Variants in MACROD2 observed in about 807,000 individuals in gnomAD.
MACROD2 encodes ADP-ribose glycohydrolase MACROD2.
In MACROD2, 36 loss-of-function variants were observed where a neutral mutation model predicts 70.4. The observed-to-expected ratio is 0.51, with a 90% CI of 0.39 to 0.68. The LOEUF (loss-of-function observed/expected upper bound fraction) is 0.68, where lower values mean the gene tolerates loss of function less well. Ranked by LOEUF, MACROD2 falls within the 30% of genes least tolerant of loss-of-function variation. The pLI is 0.00. For synonymous variants in MACROD2, 172 were observed against 178.8 expected, an observed-to-expected ratio of 0.96 and a Z score of 0.30; for missense variants, 496 against 538.4, an observed-to-expected ratio of 0.92 and a Z score of 0.78.
intron 5 of MACROD2, among the ~76,000 whole-genome samples, chr20:15,026,165 C>G (rs985719281): frequency 2.0e-5 from 3 of 152,164 alleles, no homozygotes; most frequent in African/African-American, 4.8e-5. Context: ...TGGTCTCTTT[C>G]CTCTGAATGT....
chr20:14,354,879 A>G (rs1305927473), intron 3 of MACROD2, among the ~76,000 whole-genome samples: 1 of 152,216 alleles, frequency 6.6e-6, no homozygotes, highest in Non-Finnish European at 1.5e-5. Context: ...AGGTGAGAAC[A>G]TGCAGTATTT....
intron 5 of MACROD2, among the ~76,000 whole-genome samples, chr20:14,907,530 G>A (rs6110463): frequency 0.89 from 134,922 of 152,238 alleles, 59,849 homozygotes; most frequent in East Asian, 1. Flanking sequence ...GTGATGTCCC[G>A]GGGGGAATCA....
chr20:15,378,681 A>G (rs560479390), intron 6 of MACROD2, among the ~76,000 whole-genome samples: 1 of 152,364 alleles, frequency 6.6e-6, no homozygotes, highest in East Asian at 1.9e-4. Context: ...TACCACCAAG[A>G]TTAATGACAC....
chr20:15,244,473 G>A (rs1207797503), intron 6 of MACROD2, among the ~76,000 whole-genome samples: 1 of 152,174 alleles, frequency 6.6e-6, no homozygotes, highest in Admixed American at 6.5e-5. Flanking sequence ...CAGCTGCCTA[G>A]TTTGGGTCTG....
At chr20:15,715,048 CA>C (rs1265671277) in intron 8 of MACROD2, among the ~76,000 whole-genome samples, 2 of 151,996 alleles carry the variant, frequency 1.3e-5, no homozygotes, top group South Asian at 2.1e-4. Context: ...AGGAAAATGC[CA>C]GTTAAGATGT....
intron 3 of MACROD2, among the ~76,000 whole-genome samples, chr20:14,187,003 C>G (rs2081350299): frequency 1.3e-5 from 2 of 152,070 alleles, no homozygotes; most frequent in African/African-American, 4.8e-5. Flanking sequence ...CGGAAGGGTA[C>G]TGTGTTTACC....
intron 5 of MACROD2, among the ~76,000 whole-genome samples, chr20:14,976,266 G>A (rs1018774796): frequency 2.6e-5 from 4 of 152,178 alleles, no homozygotes; most frequent in Admixed American, 1.3e-4. Context: ...TTGGGCTAAA[G>A]GTGAGGTGTT....
intron 15 of MACROD2, among the ~76,000 whole-genome samples, chr20:16,033,683 G>A (rs921572549): frequency 6.6e-6 from 1 of 152,050 alleles, no homozygotes; most frequent in African/African-American, 2.4e-5. Context: ...CTCTGGAAGT[G>A]AGCAGAACTT....
chr20:15,109,225 A>G (rs1215290636), intron 5 of MACROD2, among the ~76,000 whole-genome samples: 4 of 152,214 alleles, frequency 2.6e-5, no homozygotes. Flanking sequence ...ACTTGGATTC[A>G]AAAGAGTAAA....
intron 2 of MACROD2, among the ~76,000 whole-genome samples, chr20:14,079,449 T>C (rs1243847095): frequency 6.6e-6 from 1 of 152,272 alleles, no homozygotes; most frequent in Non-Finnish European, 1.5e-5. Flanking sequence ...TATTTATCAT[T>C]CTTTAATGTC....
At chr20:15,999,400 A>T (rs6105513) in intron 15 of MACROD2, among the ~76,000 whole-genome samples, 1,718 of 152,300 alleles carry the variant, frequency 0.011, 26 homozygotes, top group African/African-American at 0.039. Flanking sequence ...CTAACATATG[A>T]TCTATCCTAG....
intron 6 of MACROD2, among the ~76,000 whole-genome samples, chr20:15,336,018 A>C (rs1543398): frequency 0.67 from 101,618 of 151,364 alleles, 35,009 homozygotes; most frequent in African/African-American, 0.8. Flanking sequence ...CTCCAACTAA[A>C]TGAACCCCAC....
At chr20:15,440,101 T>C (rs2046476593) in intron 7 of MACROD2, among the ~76,000 whole-genome samples, 1 of 152,160 alleles carries the variant, frequency 6.6e-6, no homozygotes, top group Admixed American at 6.5e-5. Flanking sequence ...ATGGCAAAAA[T>C]GATTTTAGTC....
chr20:14,290,753 C>T (rs907472339), intron 3 of MACROD2, among the ~76,000 whole-genome samples: 2 of 152,232 alleles, frequency 1.3e-5, no homozygotes, highest in Non-Finnish European at 2.9e-5. Flanking sequence ...AGTTGATCCA[C>T]CCGCCTCAGC....
chr20:15,813,170 T>A (rs1026306293), intron 8 of MACROD2, among the ~76,000 whole-genome samples: 6 of 152,120 alleles, frequency 3.9e-5, no homozygotes, highest in Non-Finnish European at 8.8e-5. Flanking sequence ...TAAAGCAAAT[T>A]TATAGAAACC....
intron 5 of MACROD2, among the ~76,000 whole-genome samples, chr20:15,198,626 T>C (rs1345834687): frequency 6.6e-6 from 1 of 152,228 alleles, no homozygotes; most frequent in African/African-American, 2.4e-5. Context: ...TATTTAATAA[T>C]GGTATAATAT....
At chr20:14,921,195 C>T (rs1046181681) in intron 5 of MACROD2, among the ~76,000 whole-genome samples, 1 of 152,110 alleles carries the variant, frequency 6.6e-6, no homozygotes, top group Non-Finnish European at 1.5e-5. Flanking sequence ...ATGGGCAATG[C>T]AGTTATTTCC....
chr20:14,974,496 AC>A (rs2074720172), intron 5 of MACROD2, among the ~76,000 whole-genome samples: 1 of 152,152 alleles, frequency 6.6e-6, no homozygotes. Context: ...TGGGGGCACC[AC>A]AAAGGATAGT....
intron 2 of MACROD2, among the ~76,000 whole-genome samples, chr20:14,032,236 G>T (rs773044349): frequency 1.3e-5 from 2 of 151,712 alleles, no homozygotes; most frequent in South Asian, 4.2e-4. Context: ...TGAACTATTA[G>T]TTTTTTTCCA....
Sources: allele counts gnomAD v4.1 joint callset (sites outside exome capture counted in the v4.1 genomes callset), GRCh38; gene constraint gnomAD v4.1.1; transcripts MANE v1.5; gene names NCBI Gene and HGNC (gene_info 2026-07-23, HGNC 2026-07-21).